Variants in EPHA5 observed in about 807,000 individuals in gnomAD.
The protein encoded by EPHA5 is ephrin type-A receptor 5.
In EPHA5, 60 loss-of-function variants were observed where a neutral mutation model predicts 105.0. That is an observed-to-expected ratio of 0.57 (90% CI 0.46 to 0.71). The LOEUF is 0.71. EPHA5 is among the 30% of genes least tolerant of loss of function. EPHA5 has a pLI of 0.00. For missense variants in EPHA5, 1,218 were observed against 1,274.7 expected (o/e 0.96, Z 0.68); for synonymous variants, 513 against 449.1 (o/e 1.14, Z -1.80).
intron 3 of EPHA5, among the ~76,000 whole-genome samples, chr4:65,587,849 T>C (rs1742272744): frequency 6.6e-6 from 1 of 152,282 alleles, no homozygotes; most frequent in African/African-American, 2.4e-5. Flanking sequence ...ATCTCTCTTC[T>C]GTAAAGACAA....
chr4:65,421,974 A>G lies in EPHA5; in HGVS notation c.1403-1409T>C, dbSNP rs74747348. ...TTTAAAACTTAATCAGTTCTTCAAT[A>G]AAATAATCATTTGTGGGTAAAGACA... On this transcript the variant is annotated intron_variant, in intron 5 of 16. Transcript: ENST00000613740. 3.2e-4 allele frequency among the ~76,000 whole-genome samples: 48 copies of G among 152,286 alleles called. No homozygotes were observed. In the East Asian group the frequency reaches 4.0e-3, roughly 13 times the overall value.
intron 5 of EPHA5, among the ~76,000 whole-genome samples, chr4:65,474,704 C>T (rs780738064): frequency 2.6e-5 from 4 of 152,094 alleles, no homozygotes; most frequent in Non-Finnish European, 5.9e-5. Context: ...TACAAAATAG[C>T]TAAGTTGCTT....
At chr4:65,439,432 A>ACCCCCCCCCCC (rs1725801055) in intron 5 of EPHA5, among the ~76,000 whole-genome samples, 2 of 142,600 alleles carry the variant, frequency 1.4e-5, no homozygotes, top group Admixed American at 7.3e-5. Context: ...CTCCACCCCC[A>ACCCCCCCCCCC]CACCACCCCC....
At chr4:65,502,306 A>AG (rs1030623788) in intron 3 of EPHA5, among the ~76,000 whole-genome samples, 1 of 151,840 alleles carries the variant, frequency 6.6e-6, no homozygotes, top group African/African-American at 2.4e-5. Flanking sequence ...CTATTAGCAA[A>AG]GTAAACAGAC....
Position 65,670,002 on chromosome 4 carries a change from G to T in EPHA5, c.-260C>A, listed in dbSNP as rs1750325514. The stretch of plus-strand genomic sequence containing the variant: ...GGTTGCTAGTGCAGATCTGGACTCG[G>T]ATCAAGGGTGTCGAGAGGGTCCTGG... On this transcript the variant is annotated 5_prime_UTR_variant, in exon 1 of 17. Coordinates refer to ENST00000613740, the MANE Select transcript of EPHA5 (RefSeq NM_001281766.3). 6.8e-6 allele frequency: 3 copies of T among 442,698 alleles called. No individual in the cohort carries two copies. Among genetic ancestry groups the T allele is most frequent in the African/African-American group, 6.1e-5 (3 of 49,458 alleles). The allele number at this position is 442,698 out of a possible 1,614,324, so 27.4% of individuals were successfully genotyped here.
intron 8 of EPHA5, among the ~76,000 whole-genome samples, chr4:65,387,508 G>T (rs1478654681): frequency 6.6e-6 from 1 of 151,814 alleles, no homozygotes; most frequent in Non-Finnish European, 1.5e-5. Context: ...TCCCTATTGG[G>T]GCTGAAAAGC....
intron 3 of EPHA5, among the ~76,000 whole-genome samples, chr4:65,544,010 T>C (rs1479119847): frequency 6.6e-6 from 1 of 152,054 alleles, no homozygotes; most frequent in Non-Finnish European, 1.5e-5. Flanking sequence ...CTGGGAAAAC[T>C]AGCTAGCCGT....
chr4:65,336,453 G>A (rs73822107), intron 14 of EPHA5, among the ~76,000 whole-genome samples: 1,549 of 151,932 alleles, frequency 0.01, 26 homozygotes, highest in African/African-American at 0.035. Flanking sequence ...ATTTATCCTT[G>A]CACTCCAGAA....
intron 3 of EPHA5, among the ~76,000 whole-genome samples, chr4:65,538,435 A>G (rs770892190): frequency 3.3e-5 from 5 of 151,758 alleles, no homozygotes; most frequent in Non-Finnish European, 7.4e-5. Context: ...AATATCCCTG[A>G]ATGTAGAACT....
intron 7 of EPHA5, 130 bp from the exon 8 acceptor site, chr4:65,404,609 T>C (rs1722182024): frequency 3.0e-6 from 2 of 667,472 alleles, no homozygotes; most frequent in Non-Finnish European, 2.6e-6. Context: ...AAATTTCCCC[T>C]AATATCCTTT....
At chr4:65,580,790 C>CTTT (rs373996186) in intron 3 of EPHA5, among the ~76,000 whole-genome samples, 157 of 147,060 alleles carry the variant, frequency 1.1e-3, no homozygotes, top group African/African-American at 2.6e-3. Context: ...ACACAGTTTA[C>CTTT]TTTTTTTTTT....
chr4:65,669,610 G>A lies in EPHA5; in HGVS notation c.133C>T (p.Leu45Phe). 1.4e-6 allele frequency: 2 copies of A among 1,435,572 alleles called. No homozygotes were observed. Among genetic ancestry groups the A allele is most frequent in the South Asian group, 1.6e-5 (1 of 62,054 alleles). 88.9% of individuals were successfully genotyped at this position (1,435,572 alleles called of 1,614,324 possible). A position where few individuals can be genotyped will look rare whatever the true frequency, so the allele number is the denominator to read the frequency against. Residue 45 changes from leucine (L) to phenylalanine (F), a missense_variant, in exon 1 of 17, where the codon CTC (leucine) becomes TTC (phenylalanine). This residue lies in a region of EPHA5 where 233 missense variants were observed against 227.5 expected (regional missense o/e 1.02). Coordinates refer to ENST00000613740, the MANE Select transcript of EPHA5 (RefSeq NM_001281766.3). Reference protein sequence around the residue: ...PRRAPLWTCLLLCAALRTLLA... With the variant: ...PRRAPLWTCLFLCAALRTLLA... ...AGGGTCCGGAGTGCGGCGCACAGGA[G>A]AAGGCACGTCCAGAGGGGAGCCCGT... is the stretch of plus-strand genomic sequence containing the variant.
intron 3 of EPHA5, among the ~76,000 whole-genome samples, chr4:65,518,127 AC>A (rs1734286080): frequency 6.6e-6 from 1 of 151,892 alleles, no homozygotes; most frequent in Admixed American, 6.6e-5. Flanking sequence ...TAATTATTTC[AC>A]CTTTGAAAAG....
intron 3 of EPHA5, among the ~76,000 whole-genome samples, chr4:65,591,798 G>T (rs1742687935): frequency 6.6e-6 from 1 of 152,014 alleles, no homozygotes; most frequent in Non-Finnish European, 1.5e-5. Flanking sequence ...ATTAATAGAT[G>T]AAAGTTACTT....
In EPHA5 at chr4:65,323,007, T is replaced by C. The variant is rs1360874419; in HGVS notation, c.*1107A>G. 4.4e-6 allele frequency: 1 copy of C among 229,228 alleles called. No homozygotes were observed. The highest frequency in any genetic ancestry group is 1.8e-4 in the South Asian group (1 of 5,508). 14.2% of individuals were successfully genotyped at this position (229,228 alleles called of 1,614,324 possible). On this transcript the variant is annotated 3_prime_UTR_variant, in exon 17 of 17. Transcript: ENST00000613740. ...AACAGAAGCCTGCACAGTTAAATCC[T>C]TCTACATCCTGCTGAAAATGTGCCC...
intron 5 of EPHA5, among the ~76,000 whole-genome samples, chr4:65,465,938 G>C (rs1302844128): frequency 5.3e-5 from 8 of 152,190 alleles, no homozygotes; most frequent in Non-Finnish European, 1.0e-4. Context: ...CGATACTTCA[G>C]TAAACAAATT....
chr4:65,669,866 G>T lies in EPHA5; in HGVS notation c.-124C>A. 1 of 1,220,444 alleles carries T rather than the reference G, an allele frequency of 8.2e-7. No individual in the cohort carries two copies. The highest frequency in any genetic ancestry group is 1.0e-6 in the Non-Finnish European group (1 of 978,218). 75.6% of individuals were successfully genotyped at this position (1,220,444 alleles called of 1,614,324 possible). On this transcript the variant is annotated 5_prime_UTR_variant, in exon 1 of 17. Transcript: ENST00000613740. ...CCCCCTTGGGGTCCTACGCCTTCTG[G>T]CACGCGGCTCCTCCAAATGTAGGAA... is the stretch of plus-strand genomic sequence containing the variant.
intron 5 of EPHA5, among the ~76,000 whole-genome samples, chr4:65,433,648 C>T (rs1017761819): frequency 6.6e-6 from 1 of 152,166 alleles, no homozygotes; most frequent in African/African-American, 2.4e-5. Flanking sequence ...AAGTCTAAAA[C>T]TCAAGGTGTT....
intron 3 of EPHA5, among the ~76,000 whole-genome samples, chr4:65,522,186 G>A (rs1008850738): frequency 6.6e-6 from 1 of 151,490 alleles, no homozygotes; most frequent in African/African-American, 2.4e-5. Flanking sequence ...GGAGGCTTTG[G>A]GTCTTTTGTG....
Sources: allele counts gnomAD v4.1 joint callset (sites outside exome capture counted in the v4.1 genomes callset), GRCh38; gene constraint gnomAD v4.1.1; regional missense constraint gnomAD v4.1.1; transcripts MANE v1.5; gene names NCBI Gene and HGNC (gene_info 2026-07-23, HGNC 2026-07-21).